KHDRBS3: variants seen among roughly 807,000 people sequenced by gnomAD.
KHDRBS3 encodes KH RNA binding domain containing, signal transduction associated 3, also known as KH domain-containing, RNA-binding, signal transduction-associated protein 3.
KHDRBS3 carries 23 observed loss-of-function variants against 45.6 expected under a neutral mutation model. The ratio of observed to expected loss-of-function variants is 0.50; its 90% confidence interval spans 0.36 to 0.72. The LOEUF (loss-of-function observed/expected upper bound fraction) is 0.72. KHDRBS3 is among the 30% of genes least tolerant of loss of function. The probability of loss-of-function intolerance (pLI) is 0.00; values close to 1 mark genes in which losing one functional copy is unlikely to be tolerated. For synonymous variants in KHDRBS3, 162 were observed against 156.5 expected, an observed-to-expected ratio of 1.04 and a Z score of -0.26; for missense variants, 352 against 424.8, an observed-to-expected ratio of 0.83 and a Z score of 1.51.
At chr8:135,500,370 G>A (rs1823676678) in intron 1 of KHDRBS3, among the ~76,000 whole-genome samples, 1 of 151,888 alleles carries the variant, frequency 6.6e-6, no homozygotes. Flanking sequence ...AACTGACTTT[G>A]GCCAAACAAC....
chr8:135,610,095 A>T (rs1394205676), intron 7 of KHDRBS3, among the ~76,000 whole-genome samples: 1 of 151,860 alleles, frequency 6.6e-6, no homozygotes, highest in Non-Finnish European at 1.5e-5. Context: ...CTGGTTTTTG[A>T]TATTTGATAT....
At chr8:135,540,257 G>A (rs775394477) in intron 2 of KHDRBS3, 10 of 152,156 alleles carry the variant, frequency 6.6e-5, no homozygotes, top group Non-Finnish European at 1.5e-4. Context: ...TGGTAACGGA[G>A]ACCAGAGAAA....
intron 4 of KHDRBS3, among the ~76,000 whole-genome samples, chr8:135,556,547 G>A (rs1826896546): frequency 6.6e-6 from 1 of 152,110 alleles, no homozygotes; most frequent in South Asian, 2.1e-4. Flanking sequence ...AGAAGTGTCT[G>A]TTCATATCCT....
intron 7 of KHDRBS3, among the ~76,000 whole-genome samples, chr8:135,635,628 C>T (rs1420283544): frequency 1.3e-5 from 2 of 152,196 alleles, no homozygotes; most frequent in African/African-American, 4.8e-5. Context: ...GGTGATCCAC[C>T]TGCCTCGGTC....
At chr8:135,592,022 C>T (rs1828767395) in intron 6 of KHDRBS3, among the ~76,000 whole-genome samples, 1 of 152,062 alleles carries the variant, frequency 6.6e-6, no homozygotes, top group Non-Finnish European at 1.5e-5. Flanking sequence ...CCTAGGGACA[C>T]CTTTTTATTT....
At chr8:135,525,812 T>A (rs540075689) in intron 2 of KHDRBS3, among the ~76,000 whole-genome samples, 28 of 152,178 alleles carry the variant, frequency 1.8e-4, no homozygotes, top group Non-Finnish European at 3.2e-4. Context: ...GACCCTGTCT[T>A]TAAGTAGTTC....
intron 7 of KHDRBS3, among the ~76,000 whole-genome samples, chr8:135,626,600 G>A (rs1393417479): frequency 3.3e-5 from 5 of 152,136 alleles, no homozygotes; most frequent in South Asian, 2.1e-4. Context: ...TCAGGAGATC[G>A]AGACCATCTT....
At chr8:135,503,865 G>T (rs112819897) in intron 1 of KHDRBS3, among the ~76,000 whole-genome samples, 1 of 151,906 alleles carries the variant, frequency 6.6e-6, no homozygotes, top group Admixed American at 6.6e-5. Context: ...CTTTTTTTGT[G>T]ATCAGCATAT....
chr8:135,485,169 C>T (rs181685635), intron 1 of KHDRBS3, among the ~76,000 whole-genome samples: 3 of 144,970 alleles, frequency 2.1e-5, no homozygotes, highest in Non-Finnish European at 4.5e-5. Context: ...GTCCCCACTA[C>T]AATATCAACT....
At chr8:135,563,037 A>G (rs958584949) in intron 5 of KHDRBS3, among the ~76,000 whole-genome samples, 1 of 152,144 alleles carries the variant, frequency 6.6e-6, no homozygotes, top group Non-Finnish European at 1.5e-5. Flanking sequence ...CATCTCTGCC[A>G]TCCTTCCCAG....
chr8:135,631,880 C>T (rs1830618592), intron 7 of KHDRBS3, among the ~76,000 whole-genome samples: 1 of 152,046 alleles, frequency 6.6e-6, no homozygotes, highest in Non-Finnish European at 1.5e-5. Flanking sequence ...TTTATATGAC[C>T]GGCAGCACAA....
chr8:135,591,368 C>A (rs7846379), intron 6 of KHDRBS3, among the ~76,000 whole-genome samples: 1 of 152,250 alleles, frequency 6.6e-6, no homozygotes, highest in Admixed American at 6.5e-5. Context: ...TGCAGGATGT[C>A]TTATTTCCTC....
intron 2 of KHDRBS3, among the ~76,000 whole-genome samples, chr8:135,527,930 T>C (rs925800926): frequency 6.6e-6 from 1 of 152,212 alleles, no homozygotes; most frequent in African/African-American, 2.4e-5. Flanking sequence ...TAGTGTAACC[T>C]TTATTAATAT....
intron 7 of KHDRBS3, among the ~76,000 whole-genome samples, chr8:135,635,322 A>G (rs1038752372): frequency 1.3e-5 from 2 of 152,216 alleles, no homozygotes; most frequent in Non-Finnish European, 2.9e-5. Context: ...CCTTTCAAAT[A>G]ATAGACGATA....
At chr8:135,488,250 C>T (rs576860746) in intron 1 of KHDRBS3, among the ~76,000 whole-genome samples, 8 of 152,196 alleles carry the variant, frequency 5.3e-5, no homozygotes, top group African/African-American at 1.4e-4. Context: ...AGATTACTAC[C>T]GTATTGATTT....
At chr8:135,544,855 C>T (rs1375987993) in intron 3 of KHDRBS3, among the ~76,000 whole-genome samples, 1 of 152,028 alleles carries the variant, frequency 6.6e-6, no homozygotes, top group East Asian at 1.9e-4. Context: ...AGGGGAGTAG[C>T]ATACATTGTG....
At chr8:135,468,701 A>T (rs535021903) in intron 1 of KHDRBS3, among the ~76,000 whole-genome samples, 1 of 152,334 alleles carries the variant, frequency 6.6e-6, no homozygotes, top group African/African-American at 2.4e-5. Flanking sequence ...CCCAGGCTTT[A>T]TTACCAAACT....
chr8:135,507,329 A>T (rs566726525), intron 1 of KHDRBS3, among the ~76,000 whole-genome samples: 10 of 152,326 alleles, frequency 6.6e-5, no homozygotes, highest in South Asian at 2.1e-4. Flanking sequence ...GTCAAAGTAA[A>T]GGTCTGTATT....
rs543018060 is a variant in KHDRBS3, at chr8:135,628,416, TA to T, written c.891-16642del. Among the ~76,000 whole-genome samples the T allele has an allele frequency of 3.2e-3, 494 of 152,314 alleles. 3 individuals carry two copies. The highest frequency in any genetic ancestry group is 0.014 in the Middle Eastern group (4 of 294). ...ACTAAGATTATTCCACAAAACACAG[TA>T]GAAGTGGTGAGAGCTTGTTTTCTTA... On this transcript the variant is annotated intron_variant, in intron 7 of 8. Coordinates refer to ENST00000355849, the MANE Select transcript of KHDRBS3 (RefSeq NM_006558.3).
Sources: allele counts gnomAD v4.1 joint callset (sites outside exome capture counted in the v4.1 genomes callset), GRCh38; gene constraint gnomAD v4.1.1; transcripts MANE v1.5; gene names NCBI Gene and HGNC (gene_info 2026-07-23, HGNC 2026-07-21).